DNAH9: variants seen among roughly 807,000 people sequenced by gnomAD.
The protein encoded by DNAH9 is dynein axonemal heavy chain 9.
Under a neutral mutation model 471.6 loss-of-function variants are expected in DNAH9, and 345 were observed. That is an observed-to-expected ratio of 0.73 (90% CI 0.67 to 0.80). The LOEUF is 0.80. Among genes scored for constraint, DNAH9 ranks in the 30% least tolerant of loss-of-function variants. The probability of loss-of-function intolerance (pLI) is 0.00; values close to 1 mark genes in which losing one functional copy is unlikely to be tolerated. For missense variants in DNAH9, 5,407 were observed against 5,609.2 expected (o/e 0.96, Z 1.15); for synonymous variants, 2,093 against 2,123.6 (o/e 0.99, Z 0.40).
At chr17:11,788,293 TC>T (rs1188147182) in intron 41 of DNAH9, among the ~76,000 whole-genome samples, 1 of 152,156 alleles carries the variant, frequency 6.6e-6, no homozygotes, top group African/African-American at 2.4e-5. Flanking sequence ...GCAATAAACA[TC>T]TGGGTAGAGC....
chr17:11,924,365 T>C (rs533157048), intron 62 of DNAH9, among the ~76,000 whole-genome samples: 2 of 152,088 alleles, frequency 1.3e-5, no homozygotes, highest in Admixed American at 6.6e-5. Context: ...CGGGCATGAC[T>C]AGGATATGGG....
At chr17:11,894,888 G>T (rs1261006868) in intron 59 of DNAH9, among the ~76,000 whole-genome samples, 1 of 152,202 alleles carries the variant, frequency 6.6e-6, no homozygotes. Flanking sequence ...CTGTATTCAG[G>T]CATCTGAATC....
chr17:11,774,452 A>G (rs1968340986), intron 38 of DNAH9, among the ~76,000 whole-genome samples: 1 of 152,182 alleles, frequency 6.6e-6, no homozygotes, highest in Non-Finnish European at 1.5e-5. Flanking sequence ...TGACTGGGGA[A>G]GCCTCACAGT....
chr17:11,613,622 A>C (rs568488815), intron 4 of DNAH9, among the ~76,000 whole-genome samples: 2 of 152,278 alleles, frequency 1.3e-5, no homozygotes, highest in East Asian at 3.9e-4. Context: ...AAAATAAAAT[A>C]AAATTGTTTG....
rs146911637 is a variant in DNAH9, at chr17:11,894,207, C to T, written c.11284-167C>T. Among the ~76,000 whole-genome samples, 14 of 152,276 alleles carry T rather than the reference C, an allele frequency of 9.2e-5. No individual in the cohort carries two copies. The East Asian group carries it at 1.2e-3, about 13-fold the overall frequency. ...TGAAAATAGAGGGACACAGTAGTAA[C>T]GTGTGTGAATATACACTTCCTTCCA... is the stretch of plus-strand genomic sequence containing the variant. On this transcript the variant is annotated intron_variant, in intron 58 of 68. Transcript: ENST00000262442.
In DNAH9 at chr17:11,752,969, T is replaced by C; in HGVS notation, c.6738+9T>C. 1 of 1,578,130 alleles carries C rather than the reference T, an allele frequency of 6.3e-7. No homozygotes were observed. Among genetic ancestry groups the C allele is most frequent in the South Asian group, 1.2e-5 (1 of 84,994 alleles). Reference sequence around the variant, plus strand: ...TCATGGATGATAACAAGGTATGAAATTGGGGGATATCCCTAGATCATTTCT... The same window carrying C: ...TCATGGATGATAACAAGGTATGAAACTGGGGGATATCCCTAGATCATTTCT... On this transcript the variant is annotated intron_variant, in intron 33 of 68. Transcript: ENST00000262442.
At chr17:11,786,771 A>G (rs529059942) in intron 41 of DNAH9, among the ~76,000 whole-genome samples, 1 of 152,286 alleles carries the variant, frequency 6.6e-6, no homozygotes, top group South Asian at 2.1e-4. Context: ...TCACTGATGC[A>G]ATATCAAGGA....
At chr17:11,704,098 T>C (rs2074653078) in intron 24 of DNAH9, 105 bp from the exon 25 acceptor site, 1 of 1,289,768 alleles carries the variant, frequency 7.8e-7, no homozygotes, top group Non-Finnish European at 1.1e-6. Context: ...GGGATGGGGC[T>C]CATGTCACCC....
At chr17:11,723,904 A>C (rs1159767256) in intron 27 of DNAH9, among the ~76,000 whole-genome samples, 1 of 151,714 alleles carries the variant, frequency 6.6e-6, no homozygotes, top group African/African-American at 2.4e-5. Flanking sequence ...GGATCTCCTG[A>C]CCTTGTGATC....
chr17:11,689,708 A>G lies in DNAH9; in HGVS notation c.3886A>G (p.Arg1296Gly), dbSNP rs1257866788. The stretch of plus-strand genomic sequence containing the variant: ...TGACTATAAGCAGCTGAGGCAGTGC[A>G]GGAAGGAGGTCTGCCAGCTGAAGGA... Reference protein sequence around the residue: ...VPDYKQLRQCRKEVCQLKELW... With the variant: ...VPDYKQLRQCGKEVCQLKELW... Residue 1296 changes from arginine (R) to glycine (G), a missense_variant, in exon 20 of 69, where the codon AGG becomes GGG. Arg to Gly is a moderately radical substitution (Grantham distance 125). Coordinates refer to ENST00000262442, the MANE Select transcript of DNAH9 (RefSeq NM_001372.4). 1 of 1,614,116 alleles carries G rather than the reference A, an allele frequency of 6.2e-7. No homozygotes were observed. Among genetic ancestry groups the G allele is most frequent in the African/African-American group, 1.3e-5 (1 of 74,944 alleles).
chr17:11,902,502 T>A (rs1479042907), intron 59 of DNAH9, among the ~76,000 whole-genome samples: 2 of 152,228 alleles, frequency 1.3e-5, no homozygotes, highest in African/African-American at 4.8e-5. Flanking sequence ...AAACATTTTA[T>A]GCGCTAAATC....
In DNAH9 at chr17:11,656,702, C is replaced by T. The variant is rs189077415; in HGVS notation, c.2595+3700C>T. Among the ~76,000 whole-genome samples, 74 of 152,252 alleles carry T rather than the reference C, an allele frequency of 4.9e-4. No individual in the cohort carries two copies. The East Asian group carries it at 0.012, about 25-fold the overall frequency. On this transcript the variant is annotated intron_variant, in intron 14 of 68. Transcript: ENST00000262442. ...CTCAGGTAACTACCACAATACAGAA[C>T]GTTTGCTATTACCCTAGAAAGTTCA...
At chr17:11,687,209 T>A (rs1255300000) in intron 19 of DNAH9, among the ~76,000 whole-genome samples, 4 of 152,262 alleles carry the variant, frequency 2.6e-5, no homozygotes, top group Non-Finnish European at 5.9e-5. Flanking sequence ...AGAGAAGGCA[T>A]GCAAATGATA....
At chr17:11,607,045 A>G (rs1476845674) in intron 1 of DNAH9, among the ~76,000 whole-genome samples, 4 of 152,330 alleles carry the variant, frequency 2.6e-5, no homozygotes, top group African/African-American at 9.6e-5. Context: ...GGTGGCCAGA[A>G]TAACCTAACG....
At position 11,626,602 on chromosome 17, in the gene DNAH9, A is replaced by G. The variant is rs2072974448; in HGVS notation, c.1351-2815A>G. On this transcript the variant is annotated intron_variant, in intron 6 of 68. Coordinates refer to ENST00000262442, the MANE Select transcript of DNAH9 (RefSeq NM_001372.4). This position sits in a 1 kb window ranked among gnomAD's most constrained non-coding sequence, Gnocchi z 4.3. ...ATTTTTTAGGTCGAAATGATCCCGT[A>G]TCAGCAATGTAATAAGTTCAACCTG... Among the ~76,000 whole-genome samples the G allele has an allele frequency of 6.6e-6, 1 of 152,218 alleles. No homozygotes were observed. Among genetic ancestry groups the G allele is most frequent in the South Asian group, 2.1e-4 (1 of 4,828 alleles).
At chr17:11,904,936 A>G (rs760065232) in intron 60 of DNAH9, among the ~76,000 whole-genome samples, 8 of 152,096 alleles carry the variant, frequency 5.3e-5, no homozygotes, top group Non-Finnish European at 1.0e-4. Flanking sequence ...AGAGAAAAAT[A>G]AAACATGAGA....
intron 68 of DNAH9, among the ~76,000 whole-genome samples, chr17:11,964,594 C>T (rs1046943510): frequency 6.6e-6 from 1 of 152,182 alleles, no homozygotes; most frequent in African/African-American, 2.4e-5. Context: ...AAAACTGAGT[C>T]AGAATCAACT....
In DNAH9 at chr17:11,900,719, C is replaced by T. The variant is rs78033377; in HGVS notation, c.11407-2000C>T. Among the ~76,000 whole-genome samples, 1,608 of 152,074 alleles carry T rather than the reference C, an allele frequency of 0.011. 104 individuals carry two copies. The East Asian group carries it at 0.2, about 19-fold the overall frequency. ...ATTGAATAAATGTCAAAAGAATGAACGAATGAATGAATGAGTTCAAATAAA... is the reference window on the plus strand; with the variant it reads ...ATTGAATAAATGTCAAAAGAATGAATGAATGAATGAATGAGTTCAAATAAA... On this transcript the variant is annotated intron_variant, in intron 59 of 68. Transcript: ENST00000262442.
chr17:11,819,441 G>A (rs8070659), intron 45 of DNAH9, among the ~76,000 whole-genome samples: 7,505 of 149,308 alleles, frequency 0.05, 628 homozygotes, highest in African/African-American at 0.17. Flanking sequence ...TTTTTGAGAC[G>A]AAGTCTTGCT....
Sources: allele counts gnomAD v4.1 joint callset (sites outside exome capture counted in the v4.1 genomes callset), GRCh38; gene constraint gnomAD v4.1.1; non-coding constraint Gnocchi (gnomAD v3.1); transcripts MANE v1.5; gene names NCBI Gene and HGNC (gene_info 2026-07-23, HGNC 2026-07-21).